RGS7: variants seen among roughly 807,000 people sequenced by gnomAD.
The protein encoded by RGS7 is regulator of G-protein signaling 7.
A neutral mutation model predicts 81.1 loss-of-function variants in RGS7; 27 were observed. The ratio of observed to expected loss-of-function variants is 0.33; its 90% CI spans 0.25 to 0.46. RGS7 has a LOEUF of 0.46. Ranked by LOEUF, RGS7 falls within the 20% of genes least tolerant of loss-of-function variation. The pLI is 1.00. For synonymous variants in RGS7, 208 were observed against 207.7 expected, an observed-to-expected ratio of 1.00 and a Z score of -0.01; for missense variants, 396 against 607.4, an observed-to-expected ratio of 0.65 and a Z score of 3.66.
At chr1:241,114,511 T>G (rs1200167047) in intron 2 of RGS7, among the ~76,000 whole-genome samples, 1 of 152,138 alleles carries the variant, frequency 6.6e-6, no homozygotes, top group African/African-American at 2.4e-5. Context: ...AAAAAATTCA[T>G]GTACATCTCA....
At chr1:240,870,149 G>T in intron 6 of RGS7, 30 bp from the exon 7 acceptor site, 2 of 1,588,360 alleles carry the variant, frequency 1.3e-6, no homozygotes, top group East Asian at 2.2e-5. Flanking sequence ...TTTCTTGCCT[G>T]CTTATCAACA....
intron 3 of RGS7, among the ~76,000 whole-genome samples, chr1:241,017,904 C>A (rs2059344631): frequency 6.6e-6 from 1 of 151,984 alleles, no homozygotes; most frequent in African/African-American, 2.4e-5. Flanking sequence ...AGTTTCCTGT[C>A]TGTTAATTCC....
In RGS7 at chr1:240,944,234, C is replaced by T. The variant is rs557959866; in HGVS notation, c.227-7528G>A. Among the ~76,000 whole-genome samples, 6 of 139,304 alleles carry T rather than the reference C, an allele frequency of 4.3e-5. No homozygotes were observed. The South Asian group carries it at 1.4e-3, about 32-fold the overall frequency. The allele number at this position is 139,304 out of a possible 152,430, so 91.4% of individuals were successfully genotyped here. ...TAGATAGGTAGTTCCATCAGCCAAT[C>T]CTTTAACAAGATTCTGTTATATTAT... is the stretch of plus-strand genomic sequence containing the variant. On this transcript the variant is annotated intron_variant, in intron 4 of 18. Coordinates refer to ENST00000440928, the MANE Select transcript of RGS7 (RefSeq NM_001364886.1).
chr1:240,952,751 C>T (rs1278365544), intron 4 of RGS7, among the ~76,000 whole-genome samples: 2 of 151,756 alleles, frequency 1.3e-5, no homozygotes, highest in Non-Finnish European at 3.0e-5. Context: ...CAGAGATTAT[C>T]TAAGTGGATT....
At chr1:240,987,192 TATAAG>T (rs143103758) in intron 3 of RGS7, among the ~76,000 whole-genome samples, 7,729 of 152,264 alleles carry the variant, frequency 0.051, 249 homozygotes, top group South Asian at 0.1. Flanking sequence ...TATTTGTAAA[TATAAG>T]ATATGAGGAC....
chr1:240,880,772 C>T (rs1399553788), intron 6 of RGS7, among the ~76,000 whole-genome samples: 1 of 152,162 alleles, frequency 6.6e-6, no homozygotes, highest in Admixed American at 6.6e-5. Flanking sequence ...AAGTCTGACA[C>T]CACCATGTCC....
At chr1:241,278,713 C>T (rs887093012) in intron 2 of RGS7, among the ~76,000 whole-genome samples, 8 of 152,128 alleles carry the variant, frequency 5.3e-5, no homozygotes, top group African/African-American at 1.9e-4. Flanking sequence ...CCTCCTGTTG[C>T]GCCGCTAGCA....
chr1:240,831,780 C>T (rs374124873), intron 9 of RGS7, among the ~76,000 whole-genome samples: 12 of 151,994 alleles, frequency 7.9e-5, no homozygotes, highest in South Asian at 2.1e-4. Context: ...GGATTACAGG[C>T]GGGTGCCACC....
At chr1:241,356,224 G>GT (rs1424688639) in intron 1 of RGS7, among the ~76,000 whole-genome samples, 1 of 151,522 alleles carries the variant, frequency 6.6e-6, no homozygotes, top group Non-Finnish European at 1.5e-5. Context: ...GGGGGATGCG[G>GT]TGGGGGAGTG....
chr1:241,319,885 G>C (rs1008771944), intron 2 of RGS7, among the ~76,000 whole-genome samples: 1 of 152,130 alleles, frequency 6.6e-6, no homozygotes, highest in Non-Finnish European at 1.5e-5. Context: ...GAGGTCAGGA[G>C]TTCGAGACCA....
chr1:240,879,509 T>A (rs1292631364), intron 6 of RGS7, among the ~76,000 whole-genome samples: 2 of 152,220 alleles, frequency 1.3e-5, no homozygotes, highest in Non-Finnish European at 2.9e-5. Flanking sequence ...CTGTTTGTAT[T>A]CCTTTTCTCA....
chr1:241,078,035 T>C (rs2062903804), intron 3 of RGS7, among the ~76,000 whole-genome samples: 1 of 151,232 alleles, frequency 6.6e-6, no homozygotes, highest in Non-Finnish European at 1.5e-5. Flanking sequence ...ATACCATGTA[T>C]ACGTAATATT....
At chr1:241,319,864 G>A (rs775488815) in intron 2 of RGS7, among the ~76,000 whole-genome samples, 6 of 152,158 alleles carry the variant, frequency 3.9e-5, no homozygotes, top group South Asian at 2.1e-4. Flanking sequence ...AGGCTGAGGC[G>A]GGCAGATCAC....
At chr1:241,044,008 A>C (rs12088032) in intron 3 of RGS7, among the ~76,000 whole-genome samples, 10,759 of 152,158 alleles carry the variant, frequency 0.071, 578 homozygotes, top group African/African-American at 0.14. Context: ...AACCTACTAC[A>C]ATCTTTGTGC....
At chr1:241,176,975 C>T (rs2071196452) in intron 2 of RGS7, among the ~76,000 whole-genome samples, 3 of 152,140 alleles carry the variant, frequency 2.0e-5, no homozygotes, top group Admixed American at 2.0e-4. Flanking sequence ...GAAGCGGACT[C>T]CTAAGGCCAC....
chr1:241,089,092 T>TATATATATATATATATATATATATAC (rs1335136344), intron 3 of RGS7, among the ~76,000 whole-genome samples: 19 of 100,136 alleles, frequency 1.9e-4, no homozygotes, highest in East Asian at 4.8e-4. Flanking sequence ...TATATATATA[T>TATATATATATATATATATATATATAC]ATATACTGGC....
At chr1:241,024,091 C>T (rs1218412950) in intron 3 of RGS7, among the ~76,000 whole-genome samples, 1 of 152,166 alleles carries the variant, frequency 6.6e-6, no homozygotes, top group Non-Finnish European at 1.5e-5. Context: ...GATGAGAAAA[C>T]AGAAGAACAA....
intron 2 of RGS7, among the ~76,000 whole-genome samples, chr1:241,304,289 G>A (rs552415838): frequency 1.4e-4 from 21 of 152,200 alleles, no homozygotes; most frequent in Middle Eastern, 3.4e-3. Context: ...AGGCAAGTTC[G>A]CAAGTGTGAA....
chr1:240,862,720 T>A lies in RGS7; in HGVS notation c.609+5867A>T, dbSNP rs528715776. On this transcript the variant is annotated intron_variant, in intron 9 of 18. Coordinates refer to ENST00000440928, the MANE Select transcript of RGS7 (RefSeq NM_001364886.1). ...ATCGATTCAGGAAAATATAATGACA[T>A]AACTTAAAAGTCTTTCAGTTAGATC... Among the ~76,000 whole-genome samples, 7 of 152,336 alleles carry A rather than the reference T, an allele frequency of 4.6e-5. No individual in the cohort carries two copies. The South Asian group carries it at 1.4e-3, about 32-fold the overall frequency.
Sources: gnomAD v4.1 joint callset for allele counts (sites outside exome capture counted in the v4.1 genomes callset) on GRCh38, gnomAD v4.1.1 for gene constraint, MANE v1.5 for transcripts, NCBI Gene and HGNC (gene_info 2026-07-23, HGNC 2026-07-21) for gene names.